The following SPATS2 variants were observed in gnomAD, a reference collection of about 807,000 sequenced individuals.
SPATS2 encodes the protein spermatogenesis associated serine rich 2, also known as spermatogenesis-associated serine-rich protein 2.
In SPATS2, 38 loss-of-function variants were observed where a neutral mutation model predicts 63.7. The observed-to-expected ratio is 0.60, with a 90% CI of 0.46 to 0.78. The LOEUF (loss-of-function observed/expected upper bound fraction) is 0.78. Ranked by LOEUF, SPATS2 falls within the 30% of genes least tolerant of loss-of-function variation. The probability of loss-of-function intolerance (pLI) is 0.00; values close to 1 mark genes in which losing one functional copy is unlikely to be tolerated. For missense variants in SPATS2, 588 were observed against 666.2 expected (o/e 0.88, Z 1.29); for synonymous variants, 207 against 232.9 (o/e 0.89, Z 1.01).
At chr12:49,493,618 GTC>G (rs1246202847) in intron 6 of SPATS2, among the ~76,000 whole-genome samples, 1 of 151,864 alleles carries the variant, frequency 6.6e-6, no homozygotes, top group Non-Finnish European at 1.5e-5. Context: ...GGCCAGGTTG[GTC>G]TCAAACTCCT....
chr12:49,386,925 C>G (rs7296303), intron 2 of SPATS2: 14,325 of 152,108 alleles, frequency 0.094, 804 homozygotes, highest in African/African-American at 0.15. Flanking sequence ...CAGAGAGATA[C>G]GGTATGGAAA....
At chr12:49,437,563 C>G (rs1945335858) in intron 2 of SPATS2, among the ~76,000 whole-genome samples, 1 of 152,196 alleles carries the variant, frequency 6.6e-6, no homozygotes. Flanking sequence ...GAACGCGACT[C>G]CGTCTGCCAT....
Position 49,380,714 on chromosome 12 carries a change from A to AAT in SPATS2, c.-244+9437_-244+9438dup, listed in dbSNP as rs577772762. 9.8e-4 allele frequency among the ~76,000 whole-genome samples: 148 copies of AAT among 151,226 alleles called. No individual in the cohort carries two copies. In the South Asian group the frequency reaches 0.012, roughly 12 times the overall value. On this transcript the variant is annotated intron_variant, in intron 2 of 13. Coordinates refer to ENST00000552918, the MANE Select transcript of SPATS2 (RefSeq NM_023071.4). ...GAGCAAGACTCTGCCTCAAAAAAAA[A>AAT]ATATATATATATATTTATCTATTTA...
At chr12:49,415,963 A>C (rs942541836) in intron 2 of SPATS2, among the ~76,000 whole-genome samples, 2 of 147,002 alleles carry the variant, frequency 1.4e-5, no homozygotes, top group African/African-American at 5.0e-5. Context: ...CTTGGCTTAC[A>C]CTCTCAAGGC....
intron 3 of SPATS2, among the ~76,000 whole-genome samples, chr12:49,470,702 C>A (rs1946020381): frequency 6.6e-6 from 1 of 152,076 alleles, no homozygotes; most frequent in Non-Finnish European, 1.5e-5. Flanking sequence ...CTTCAGTTAC[C>A]TTTTTTTGAG....
chr12:49,387,427 A>G (rs549771889), intron 2 of SPATS2, among the ~76,000 whole-genome samples: 1 of 151,744 alleles, frequency 6.6e-6, no homozygotes, highest in Admixed American at 6.6e-5. Context: ...GCCTGGGGTT[A>G]GGAGTTTGGG....
chr12:49,486,766 G>A (rs1946301218), intron 4 of SPATS2, among the ~76,000 whole-genome samples: 1 of 149,456 alleles, frequency 6.7e-6, no homozygotes, highest in African/African-American at 2.5e-5. Flanking sequence ...AGGCGACAGA[G>A]CGAGACTCCG....
chr12:49,500,587 A>G (rs537169211), intron 9 of SPATS2, among the ~76,000 whole-genome samples: 2,551 of 152,202 alleles, frequency 0.017, 35 homozygotes, highest in Middle Eastern at 0.041. Flanking sequence ...CCTGGCTAAC[A>G]CGGTGAAAAC....
upstream of SPATS2, chr12:49,367,036 C>A (rs1272047811): frequency 6.6e-6 from 1 of 152,332 alleles, no homozygotes; most frequent in Non-Finnish European, 1.5e-5. Flanking sequence ...TTCCCAGTCT[C>A]CGGTGGCGCG....
intron 2 of SPATS2, among the ~76,000 whole-genome samples, chr12:49,460,219 G>A (rs1945797993): frequency 6.6e-6 from 1 of 152,192 alleles, no homozygotes; most frequent in African/African-American, 2.4e-5. Flanking sequence ...ACTTTGGGAG[G>A]CCAAAGCAGG....
chr12:49,495,808 ATTATT>A (rs886655038), intron 7 of SPATS2, among the ~76,000 whole-genome samples: 7 of 152,210 alleles, frequency 4.6e-5, no homozygotes, highest in East Asian at 1.9e-4. Flanking sequence ...TGTTGATATT[ATTATT>A]TTAAGACCCA....
chr12:49,404,239 AG>A (rs1944656562), intron 2 of SPATS2, among the ~76,000 whole-genome samples: 1 of 150,990 alleles, frequency 6.6e-6, no homozygotes. Context: ...TAGGTGGGGT[AG>A]GGAGGGAAAG....
chr12:49,424,896 T>G (rs1274152584), intron 2 of SPATS2, among the ~76,000 whole-genome samples: 1 of 152,140 alleles, frequency 6.6e-6, no homozygotes, highest in Non-Finnish European at 1.5e-5. Context: ...GCCAGGATGG[T>G]CTGGAACTCC....
chr12:49,422,193 G>A (rs1944995521), intron 2 of SPATS2, among the ~76,000 whole-genome samples: 1 of 152,078 alleles, frequency 6.6e-6, no homozygotes, highest in Non-Finnish European at 1.5e-5. Flanking sequence ...AATATAATTT[G>A]TAGTTTCATG....
chr12:49,377,512 C>T (rs1361289811), intron 2 of SPATS2, among the ~76,000 whole-genome samples: 1 of 152,098 alleles, frequency 6.6e-6, no homozygotes, highest in Non-Finnish European at 1.5e-5. Flanking sequence ...TTTCATTGGG[C>T]AGTAAAGCTG....
chr12:49,411,694 G>A (rs1328109888), intron 2 of SPATS2, among the ~76,000 whole-genome samples: 1 of 152,176 alleles, frequency 6.6e-6, no homozygotes, highest in Non-Finnish European at 1.5e-5. Context: ...GTGAAAAAAG[G>A]TTAATTAAAC....
intron 2 of SPATS2, among the ~76,000 whole-genome samples, chr12:49,376,109 T>A (rs1944096374): frequency 6.8e-6 from 1 of 147,708 alleles, no homozygotes; most frequent in African/African-American, 2.5e-5. Flanking sequence ...TTTTTTTTTT[T>A]TTTTTTTTTT....
chr12:49,523,787 TA>T (rs1946982974), intron 12 of SPATS2, among the ~76,000 whole-genome samples: 1 of 151,486 alleles, frequency 6.6e-6, no homozygotes, highest in South Asian at 2.1e-4. Context: ...CCATCTCTAC[TA>T]AAAAATACAA....
In SPATS2 at chr12:49,420,796, T is replaced by A. The variant is rs941382132; in HGVS notation, c.-243-39974T>A. Among the ~76,000 whole-genome samples, 4 of 152,170 alleles carry A rather than the reference T, an allele frequency of 2.6e-5. No individual in the cohort carries two copies. In the East Asian group the frequency reaches 7.7e-4, roughly 29 times the overall value. On this transcript the variant is annotated intron_variant, in intron 2 of 13. Transcript: ENST00000552918. ...GGGAGGCCGAAGTGAAATGATCACTTGAGGCCAGGGGTTCAGGATCAGCCT... is the reference window on the plus strand; with the variant it reads ...GGGAGGCCGAAGTGAAATGATCACTAGAGGCCAGGGGTTCAGGATCAGCCT...
Sources: gnomAD v4.1 joint callset for allele counts (sites outside exome capture counted in the v4.1 genomes callset) on GRCh38, gnomAD v4.1.1 for gene constraint, MANE v1.5 for transcripts, NCBI Gene and HGNC (gene_info 2026-07-23, HGNC 2026-07-21) for gene names.